C1QTNF7: variants seen among roughly 807,000 people sequenced by gnomAD.
C1QTNF7 encodes complement C1q tumor necrosis factor-related protein 7.
In C1QTNF7, 15 loss-of-function variants were observed where a neutral mutation model predicts 19.6. That is an observed-to-expected ratio of 0.76 (90% CI 0.51 to 1.18). C1QTNF7 has a LOEUF of 1.18. Among genes scored for constraint, C1QTNF7 ranks in the 50% most tolerant of loss-of-function variants. The pLI is 0.00. For synonymous variants in C1QTNF7, 142 were observed against 137.5 expected (o/e 1.03, Z -0.23); for missense variants, 324 against 359.7 (o/e 0.90, Z 0.80).
At chr4:15,420,701 T>A (rs1477958536) in intron 1 of C1QTNF7, among the ~76,000 whole-genome samples, 1 of 152,174 alleles carries the variant, frequency 6.6e-6, no homozygotes, top group African/African-American at 2.4e-5. Context: ...GTCACATGGC[T>A]GGACAATGAT....
At chr4:15,367,807 A>C (rs976156168) in intron 1 of C1QTNF7, among the ~76,000 whole-genome samples, 2 of 123,332 alleles carry the variant, frequency 1.6e-5, no homozygotes, top group Non-Finnish European at 3.2e-5. Context: ...TTAGCCAGGA[A>C]ACTTGTTTTT....
At chr4:15,359,863 C>T (rs1717275079) in intron 1 of C1QTNF7, among the ~76,000 whole-genome samples, 1 of 152,136 alleles carries the variant, frequency 6.6e-6, no homozygotes, top group East Asian at 1.9e-4. Flanking sequence ...CGCCCAGAGA[C>T]ACATCTTCAC....
intron 1 of C1QTNF7, among the ~76,000 whole-genome samples, chr4:15,367,440 TA>T (rs1244979144): frequency 6.6e-6 from 1 of 152,218 alleles, no homozygotes; most frequent in Non-Finnish European, 1.5e-5. Flanking sequence ...CATTACCCAG[TA>T]CTACCAGCAC....
intron 1 of C1QTNF7, among the ~76,000 whole-genome samples, chr4:15,380,794 G>T (rs1450651710): frequency 6.6e-6 from 1 of 152,148 alleles, no homozygotes; most frequent in East Asian, 1.9e-4. Flanking sequence ...AATTAGCCAG[G>T]CATGGTGGCA....
intron 1 of C1QTNF7, among the ~76,000 whole-genome samples, chr4:15,403,068 T>A (rs1342210598): frequency 6.6e-6 from 1 of 151,714 alleles, no homozygotes; most frequent in Non-Finnish European, 1.5e-5. Context: ...CTCCCCCAAA[T>A]AATCACTCTC....
intron 1 of C1QTNF7, among the ~76,000 whole-genome samples, chr4:15,385,539 C>T (rs1407623641): frequency 6.6e-6 from 1 of 152,178 alleles, no homozygotes; most frequent in Non-Finnish European, 1.5e-5. Context: ...TCCCATGAGG[C>T]AGAGACTTGA....
intron 1 of C1QTNF7, among the ~76,000 whole-genome samples, chr4:15,378,248 C>T (rs1316997815): frequency 6.6e-6 from 1 of 152,216 alleles, no homozygotes; most frequent in Non-Finnish European, 1.5e-5. Flanking sequence ...AAGCCACTGA[C>T]TAACCATGGG....
intron 1 of C1QTNF7, among the ~76,000 whole-genome samples, chr4:15,422,481 A>C (rs1436201312): frequency 1.3e-5 from 2 of 152,218 alleles, no homozygotes; most frequent in Non-Finnish European, 2.9e-5. Context: ...TATCTACCCT[A>C]ACCTAACATT....
intron 1 of C1QTNF7, chr4:15,362,574 A>G (rs971418491): frequency 1.3e-5 from 2 of 152,222 alleles, no homozygotes; most frequent in Non-Finnish European, 2.9e-5. Context: ...AGGGTTTACA[A>G]TAAGTGATTA....
chr4:15,393,161 C>A (rs780934292), intron 1 of C1QTNF7, among the ~76,000 whole-genome samples: 1 of 152,122 alleles, frequency 6.6e-6, no homozygotes, highest in Non-Finnish European at 1.5e-5. Flanking sequence ...TCTTTTCTGT[C>A]TTGTCTGCCG....
Position 15,413,795 on chromosome 4 carries a change from C to G in C1QTNF7, c.14-21941C>G, listed in dbSNP as rs144255150. ...AGGATTCAGAGAGACTGACTGATTG[C>G]ATTTCTCAAGTTGACAACCACAATA... On this transcript the variant is annotated intron_variant, in intron 1 of 2. Transcript: ENST00000295297. Among the ~76,000 whole-genome samples, 960 of 152,294 alleles carry G rather than the reference C, an allele frequency of 6.3e-3. 15 individuals carry two copies. Among genetic ancestry groups the G allele is most frequent in the African/African-American group, 0.022 (914 of 41,558 alleles).
chr4:15,385,955 C>A (rs1480715578), intron 1 of C1QTNF7, among the ~76,000 whole-genome samples: 2 of 152,224 alleles, frequency 1.3e-5, no homozygotes, highest in African/African-American at 4.8e-5. Flanking sequence ...AAATTAATTT[C>A]ACTAAGGACA....
At chr4:15,433,745 G>A (rs1002969913) in intron 1 of C1QTNF7, among the ~76,000 whole-genome samples, 3 of 152,278 alleles carry the variant, frequency 2.0e-5, no homozygotes, top group South Asian at 2.1e-4. Flanking sequence ...GTAGCCCATC[G>A]TGATTCCAGG....
chr4:15,340,302 A>G (rs890388865), intron 1 of C1QTNF7: 1 of 1,413,696 alleles, frequency 7.1e-7, no homozygotes, highest in African/African-American at 1.4e-5. Context: ...AGCTCCTTGT[A>G]AAGAAATGGG....
At chr4:15,380,687 C>G (rs984812969) in intron 1 of C1QTNF7, among the ~76,000 whole-genome samples, 22 of 152,152 alleles carry the variant, frequency 1.4e-4, no homozygotes, top group Admixed American at 7.2e-4. Flanking sequence ...GTAATCCCAG[C>G]ACTTTGGGAG....
chr4:15,359,387 G>A (rs762764151), intron 1 of C1QTNF7, among the ~76,000 whole-genome samples: 11 of 152,140 alleles, frequency 7.2e-5, no homozygotes, highest in Non-Finnish European at 1.2e-4. Context: ...GGTAAAATTG[G>A]AGGTGGAAAG....
At chr4:15,416,231 T>G (rs1328923244) in intron 1 of C1QTNF7, among the ~76,000 whole-genome samples, 1 of 152,230 alleles carries the variant, frequency 6.6e-6, no homozygotes, top group Non-Finnish European at 1.5e-5. Flanking sequence ...AATAAGCCAT[T>G]AGAAATTATT....
chr4:15,440,685 C>G (rs1712722542), intron 2 of C1QTNF7, among the ~76,000 whole-genome samples: 1 of 152,074 alleles, frequency 6.6e-6, no homozygotes, highest in South Asian at 2.1e-4. Context: ...GGATTACAGG[C>G]GTGAGTCACT....
At chr4:15,395,792 A>G (rs1718759397) in intron 1 of C1QTNF7, among the ~76,000 whole-genome samples, 1 of 152,126 alleles carries the variant, frequency 6.6e-6, no homozygotes. Context: ...TGAAACACAT[A>G]TTAGTATCAC....
Sources: gnomAD v4.1 joint callset for allele counts (sites outside exome capture counted in the v4.1 genomes callset) on GRCh38, gnomAD v4.1.1 for gene constraint, MANE v1.5 for transcripts, NCBI Gene and HGNC (gene_info 2026-07-23, HGNC 2026-07-21) for gene names.